The following MEGF6 variants were observed in gnomAD, a reference collection of about 807,000 sequenced individuals.
MEGF6 encodes the protein multiple epidermal growth factor-like domains protein 6.
In MEGF6, 184 loss-of-function variants were observed where a neutral mutation model predicts 207.1. The ratio of observed to expected loss-of-function variants is 0.89; its 90% CI spans 0.79 to 1.00. MEGF6 has a LOEUF of 1.00. MEGF6 is among the 50% of genes least tolerant of loss of function. The probability of loss-of-function intolerance (pLI) is 0.00; values close to 1 mark genes in which losing one functional copy is unlikely to be tolerated. For synonymous variants in MEGF6, 1,038 were observed against 910.0 expected, an observed-to-expected ratio of 1.14 and a Z score of -2.53; for missense variants, 2,282 against 2,202.9, an observed-to-expected ratio of 1.04 and a Z score of -0.72.
intron 4 of MEGF6, among the ~76,000 whole-genome samples, chr1:3,577,626 G>C (rs191764886): frequency 6.6e-6 from 1 of 152,340 alleles, no homozygotes; most frequent in East Asian, 1.9e-4. Context: ...GGTGACTGGG[G>C]CATGGGGCTG....
At chr1:3,581,395 C>T (rs1024276780) in intron 3 of MEGF6, among the ~76,000 whole-genome samples, 1 of 152,194 alleles carries the variant, frequency 6.6e-6, no homozygotes, top group Admixed American at 6.5e-5. Flanking sequence ...ACACCTGCAG[C>T]CTGAGGATGT....
intron 35 of MEGF6, 121 bp from the exon 36 acceptor site, chr1:3,491,080 C>A: frequency 1.3e-6 from 1 of 778,874 alleles, no homozygotes; most frequent in African/African-American, 1.7e-5. Flanking sequence ...GCACAGTCTC[C>A]TTCCCTTCTC....
At chr1:3,599,643 C>A (rs1207441499) in intron 2 of MEGF6, among the ~76,000 whole-genome samples, 1 of 152,244 alleles carries the variant, frequency 6.6e-6, no homozygotes, top group Non-Finnish European at 1.5e-5. Flanking sequence ...TCACCAGTCA[C>A]CCAGTCGTGT....
At chr1:3,525,597 TA>T (rs1325272880) in intron 4 of MEGF6, among the ~76,000 whole-genome samples, 1 of 152,174 alleles carries the variant, frequency 6.6e-6, no homozygotes, top group Non-Finnish European at 1.5e-5. Context: ...CACCTGGGCC[TA>T]CCTGCTCCTG....
chr1:3,609,704 G>C (rs565998057), intron 1 of MEGF6, among the ~76,000 whole-genome samples: 1 of 152,172 alleles, frequency 6.6e-6, no homozygotes, highest in South Asian at 2.1e-4. Context: ...CCAGGGTCAC[G>C]AAGGACCTCC....
chr1:3,501,051 G>C lies in MEGF6; in HGVS notation c.2490C>G (p.Cys830Trp). 1 of 1,612,784 alleles carries C rather than the reference G, an allele frequency of 6.2e-7. No homozygotes were observed. The stretch of plus-strand genomic sequence containing the variant: ...GGCAGTGCCCATCATTGGCACAAGA[G>C]CACCTTGTCTGGCAGCTGGGACCAT... The part of the protein sequence containing the change: ...GWYGPSCQTR[C>W]SCANDGHCHP... Residue 830 changes from cysteine to tryptophan, a missense_variant, in exon 20 of 37, where the codon TGC becomes TGG. By Grantham distance (215) the Cys-to-Trp change is radical (BLOSUM62 -2). Transcript: ENST00000356575.
At chr1:3,506,427 C>A in intron 14 of MEGF6, among the ~76,000 whole-genome samples, 191 bp from the exon 15 acceptor site, 1 of 152,194 alleles carries the variant, frequency 6.6e-6, no homozygotes, top group East Asian at 1.9e-4. Flanking sequence ...ATCCCCTGCC[C>A]CCAGGGTTTG....
Position 3,496,522 on chromosome 1 carries a change from G to C in MEGF6, c.3742+133C>G. 3 of 1,344,852 alleles carry C rather than the reference G, an allele frequency of 2.2e-6. No homozygotes were observed. In the East Asian group the frequency reaches 7.6e-5, roughly 34 times the overall value. The allele number at this position is 1,344,852 out of a possible 1,614,324, so 83.3% of individuals were successfully genotyped here. On this transcript the variant is annotated intron_variant, in intron 29 of 36. Coordinates refer to ENST00000356575, the MANE Select transcript of MEGF6 (RefSeq NM_001409.4). Reference sequence around the variant, plus strand: ...CTGCCCCTCTGGCTTAGCCCCACTTGGGGCCAGGCCCAGCCAGAGGGGGCT... The same window carrying C: ...CTGCCCCTCTGGCTTAGCCCCACTTCGGGCCAGGCCCAGCCAGAGGGGGCT...
intron 4 of MEGF6, among the ~76,000 whole-genome samples, chr1:3,569,993 G>C (rs1347182148): frequency 6.6e-6 from 1 of 152,234 alleles, no homozygotes; most frequent in Non-Finnish European, 1.5e-5. Context: ...GCAGGGAAGG[G>C]GGAGAACAAA....
rs565629339 is a variant in MEGF6, at chr1:3,494,843, T to C, written c.3872-102A>G. The C allele has an allele frequency of 2.1e-6, 3 of 1,435,388 alleles. No homozygotes were observed. The African/African-American group carries it at 4.3e-5, about 21-fold the overall frequency. 88.9% of individuals were successfully genotyped at this position (1,435,388 alleles called of 1,614,324 possible). A position where few individuals can be genotyped will look rare whatever the true frequency, so the allele number is the denominator to read the frequency against. On this transcript the variant is annotated intron_variant, in intron 30 of 36. Transcript: ENST00000356575. ...TGACAGTCACTCGGTAAATGCTTCC[T>C]GAGGCCCATCAGTGCCAGTCTCTGC... is the stretch of plus-strand genomic sequence containing the variant.
chr1:3,528,411 G>A (rs753207327), intron 4 of MEGF6, among the ~76,000 whole-genome samples: 8 of 152,224 alleles, frequency 5.3e-5, no homozygotes, highest in Admixed American at 2.6e-4. Flanking sequence ...GCTGTGATCT[G>A]AAGAGCCGTA....
chr1:3,614,236 C>T (rs1644360242), upstream of MEGF6, among the ~76,000 whole-genome samples: 2 of 152,198 alleles, frequency 1.3e-5, no homozygotes, highest in Non-Finnish European at 2.9e-5. Flanking sequence ...CTCACCCCCT[C>T]CACCCTAAGC....
At position 3,501,922 on chromosome 1, in the gene MEGF6, C is replaced by T; in HGVS notation, c.2189-1G>A. Reference sequence around the variant, plus strand: ...ACGCCAAACGTCCCCACCGGGCACTCTGCAGGAGAAAGCACGAGGGGCCTT... The same window carrying T: ...ACGCCAAACGTCCCCACCGGGCACTTTGCAGGAGAAAGCACGAGGGGCCTT... On this transcript the variant is annotated splice_acceptor_variant, in intron 17 of 36. Transcript: ENST00000356575. LOFTEE classifies it high-confidence loss of function. The T allele has an allele frequency of 6.3e-7, 1 of 1,593,402 alleles. No individual in the cohort carries two copies. Among genetic ancestry groups the T allele is most frequent in the South Asian group, 1.1e-5 (1 of 90,354 alleles).
intron 4 of MEGF6, among the ~76,000 whole-genome samples, chr1:3,579,007 A>ATC (rs1643726366): frequency 6.6e-6 from 1 of 152,242 alleles, no homozygotes; most frequent in South Asian, 2.1e-4. Flanking sequence ...ACCGGAGTGC[A>ATC]TCTCTCGCTC....
intron 4 of MEGF6, among the ~76,000 whole-genome samples, chr1:3,553,411 C>T (rs1479438579): frequency 1.3e-5 from 2 of 152,080 alleles, no homozygotes; most frequent in Non-Finnish European, 2.9e-5. Flanking sequence ...GAGACCCTCC[C>T]GCCCCCCACC....
intron 3 of MEGF6, among the ~76,000 whole-genome samples, chr1:3,585,158 G>A (rs998058455): frequency 6.6e-6 from 1 of 150,972 alleles, no homozygotes; most frequent in Non-Finnish European, 1.5e-5. Context: ...GTGTGTGGGT[G>A]TGTGGACACG....
rs565757795 is a variant in MEGF6, at chr1:3,499,013, G to A, written c.3094+125C>T. 4.1e-5 allele frequency: 59 copies of A among 1,437,182 alleles called. 1 individual carries two copies. Among genetic ancestry groups the A allele is most frequent in the East Asian group, 3.2e-4 (13 of 40,260 alleles). 89.0% of individuals were successfully genotyped at this position (1,437,182 alleles called of 1,614,324 possible). On this transcript the variant is annotated intron_variant, in intron 24 of 36. Transcript: ENST00000356575. Reference sequence around the variant, plus strand: ...GGAGAGGGGCACAGGTGAAAGGCACGGTCCTCAGTCCTAACAGCCCCTTCC... The same window carrying A: ...GGAGAGGGGCACAGGTGAAAGGCACAGTCCTCAGTCCTAACAGCCCCTTCC...
chr1:3,618,995 G>C, the MEGF6 span, among the ~76,000 whole-genome samples: 2 of 152,188 alleles, frequency 1.3e-5, no homozygotes, highest in Non-Finnish European at 2.9e-5. This position sits in a 1 kb window ranked among gnomAD's most constrained non-coding sequence, Gnocchi z 4.7. Context: ...CGGAGAACAA[G>C]GGCACAGGCA....
chr1:3,507,906 A>G lies in MEGF6; in HGVS notation c.1678T>C (p.Phe560Leu), dbSNP rs751794472. Residue 560 changes from phenylalanine (F) to leucine (L), a missense_variant, in exon 14 of 37, where the codon TTT (phenylalanine) becomes CTT (leucine). Phe to Leu is a conservative substitution (Grantham distance 22, BLOSUM62 0). Transcript: ENST00000356575. ...CAGGAGAAGCTGCAGTTCTTCCCAAAGGTGTCCGGAGGACAAGCTACAAAG... is the reference window on the plus strand; with the variant it reads ...CAGGAGAAGCTGCAGTTCTTCCCAAGGGTGTCCGGAGGACAAGCTACAAAG... ...ICNETCPPDT[F>L]GKNCSFSCSC... 1 of 1,611,956 alleles carries G rather than the reference A, an allele frequency of 6.2e-7. No homozygotes were observed. Among genetic ancestry groups the G allele is most frequent in the Non-Finnish European group, 8.5e-7 (1 of 1,179,204 alleles).
Sources: allele counts gnomAD v4.1 joint callset (sites outside exome capture counted in the v4.1 genomes callset), GRCh38; gene constraint gnomAD v4.1.1; non-coding constraint Gnocchi (gnomAD v3.1); transcripts MANE v1.5; gene names NCBI Gene and HGNC (gene_info 2026-07-23, HGNC 2026-07-21).